Variants in DISP1 observed in about 807,000 individuals in gnomAD.
The protein encoded by DISP1 is protein dispatched homolog 1.
Under a neutral mutation model 37.3 loss-of-function variants are expected in DISP1, and 30 were observed. The ratio of observed to expected loss-of-function variants is 0.80; its 90% confidence interval spans 0.60 to 1.09. The LOEUF (loss-of-function observed/expected upper bound fraction) is 1.09, where lower values mean the gene tolerates loss of function less well. Ranked by LOEUF, DISP1 falls within the 50% of genes least tolerant of loss-of-function variation. The pLI is 0.00. For missense variants in DISP1, 1,598 were observed against 1,879.5 expected (o/e 0.85, Z 2.77); for synonymous variants, 634 against 690.2 (o/e 0.92, Z 1.28).
chr1:222,852,178 CAAAAAT>C (rs1007758619), intron 1 of DISP1, among the ~76,000 whole-genome samples: 2 of 150,272 alleles, frequency 1.3e-5, no homozygotes, highest in African/African-American at 4.9e-5. Flanking sequence ...AACTCCAACT[CAAAAAT>C]AAATAAATAA....
chr1:222,823,504 A>G (rs1663484036), intron 1 of DISP1, among the ~76,000 whole-genome samples: 1 of 152,170 alleles, frequency 6.6e-6, no homozygotes, highest in Admixed American at 6.5e-5. Context: ...ATGTAGAGTA[A>G]TAGTCATTAA....
Position 222,937,010 on chromosome 1 carries a change from AT to A in DISP1, c.-17-5795del, listed in dbSNP as rs1313036486. 2.1e-3 allele frequency among the ~76,000 whole-genome samples: 224 copies of A among 108,960 alleles called. 2 individuals are homozygous for A. Among genetic ancestry groups the A allele is most frequent in the Non-Finnish European group, 3.6e-3 (201 of 55,746 alleles). The allele number at this position is 108,960 out of a possible 152,430, so 71.5% of individuals were successfully genotyped here. ...TATATAATATTATATAATATAGAAT[AT>A]TATATATTATATATTACATATTATA... is the stretch of plus-strand genomic sequence containing the variant. On this transcript the variant is annotated intron_variant, in intron 2 of 8. Transcript: ENST00000675850.
chr1:222,877,090 G>T (rs1416410861), intron 1 of DISP1, among the ~76,000 whole-genome samples: 2 of 152,140 alleles, frequency 1.3e-5, no homozygotes, highest in Non-Finnish European at 2.9e-5. Context: ...TCGTGATTCT[G>T]GCTTTGGGAG....
chr1:222,959,716 A>T (rs997583346), intron 3 of DISP1, among the ~76,000 whole-genome samples: 19 of 141,624 alleles, frequency 1.3e-4, no homozygotes, highest in Non-Finnish European at 2.8e-4. Context: ...AAAAAAAAAA[A>T]GAAAGAAAAG....
intron 4 of DISP1, among the ~76,000 whole-genome samples, chr1:222,987,993 G>A (rs1678396777): frequency 6.6e-6 from 1 of 152,190 alleles, no homozygotes; most frequent in African/African-American, 2.4e-5. Context: ...TGTGGAGGAG[G>A]AAATAAAGTA....
intron 2 of DISP1, among the ~76,000 whole-genome samples, chr1:222,934,312 T>C (rs368020578): frequency 6.6e-6 from 1 of 152,046 alleles, no homozygotes; most frequent in Non-Finnish European, 1.5e-5. Context: ...TAATAATAAA[T>C]TCACAGAGGT....
chr1:222,960,735 G>C (rs1260832950), intron 3 of DISP1, among the ~76,000 whole-genome samples: 1 of 151,074 alleles, frequency 6.6e-6, no homozygotes, highest in African/African-American at 2.4e-5. Flanking sequence ...AGACTAATAA[G>C]AAAAGAGAGA....
At chr1:222,941,835 G>A (rs1348213601) in intron 2 of DISP1, among the ~76,000 whole-genome samples, 1 of 152,044 alleles carries the variant, frequency 6.6e-6, no homozygotes, top group Non-Finnish European at 1.5e-5. Flanking sequence ...AAGGGTTAGC[G>A]AGCTAAATTA....
chr1:222,904,723 A>G (rs948710892), intron 1 of DISP1, among the ~76,000 whole-genome samples: 1 of 151,824 alleles, frequency 6.6e-6, no homozygotes, highest in African/African-American at 2.4e-5. Flanking sequence ...ACACACCACT[A>G]TGCCTGGCCA....
chr1:222,874,921 A>G (rs1294364415), intron 1 of DISP1, among the ~76,000 whole-genome samples: 3 of 152,088 alleles, frequency 2.0e-5, no homozygotes, highest in Admixed American at 1.3e-4. Context: ...TGATGGTGAC[A>G]TACACATGGG....
At chr1:222,860,690 G>C (rs1668830288) in intron 1 of DISP1, among the ~76,000 whole-genome samples, 1 of 151,940 alleles carries the variant, frequency 6.6e-6, no homozygotes, top group African/African-American at 2.4e-5. Context: ...TTTGAGACCA[G>C]CCTGGCCAAT....
intron 1 of DISP1, among the ~76,000 whole-genome samples, chr1:222,818,984 C>G (rs1360358400): frequency 1.3e-5 from 2 of 152,186 alleles, no homozygotes; most frequent in Non-Finnish European, 2.9e-5. Flanking sequence ...TGTCCCCACC[C>G]AAATCTCATG....
chr1:222,888,964 A>G lies in DISP1; in HGVS notation c.-158-39466A>G, dbSNP rs181490345. 2.7e-4 allele frequency among the ~76,000 whole-genome samples: 41 copies of G among 152,232 alleles called. 1 individual carries two copies. In the East Asian group the frequency reaches 7.3e-3, roughly 27 times the overall value. Reference sequence around the variant, plus strand: ...CCATGGAGTACATAGTGATGTTTCTATACATATAATGTATAGTGATCAATC... The same window carrying G: ...CCATGGAGTACATAGTGATGTTTCTGTACATATAATGTATAGTGATCAATC... On this transcript the variant is annotated intron_variant, in intron 1 of 8. Transcript: ENST00000675850.
chr1:222,872,733 A>C (rs1286925701), intron 1 of DISP1, among the ~76,000 whole-genome samples: 1 of 152,102 alleles, frequency 6.6e-6, no homozygotes, highest in Non-Finnish European at 1.5e-5. Context: ...CAGCTCCTGG[A>C]TTCACTGATT....
rs1415464768 is a variant in DISP1, at chr1:222,943,257, C to A, written c.434C>A (p.Pro145Gln). 26 of 1,613,834 alleles carry A rather than the reference C, an allele frequency of 1.6e-5. No homozygotes were observed. Among genetic ancestry groups the A allele is most frequent in the African/African-American group, 2.7e-5 (2 of 74,938 alleles). ...ACTACGTGCTGTCTTCAGCCCTCTC[C>A]ATCCTTCTGCCTGCATCATCCGTGG... Reference protein sequence around the residue: ...YQTTCCLQPSPSFCLHHPWPD... With the variant: ...YQTTCCLQPSQSFCLHHPWPD... The change falls in exon 3 of 9, where the codon CCA becomes CAA. Residue 145 changes from proline (P) to glutamine (Q), a missense_variant. Transcript: ENST00000675850.
chr1:222,945,628 T>C (rs1277464976), intron 3 of DISP1: 2 of 135,208 alleles, frequency 1.5e-5, no homozygotes, highest in East Asian at 4.8e-4. Flanking sequence ...ACACTTGAAA[T>C]AGAATGGCAT....
intron 3 of DISP1, among the ~76,000 whole-genome samples, chr1:222,956,131 A>G (rs2039779): frequency 0.48 from 73,258 of 152,114 alleles, 19,177 homozygotes; most frequent in Non-Finnish European, 0.59. Flanking sequence ...GTGGTCACTC[A>G]GGCCTGCCCA....
chr1:223,000,590 T>C (rs1324086858), intron 8 of DISP1, among the ~76,000 whole-genome samples: 2 of 152,216 alleles, frequency 1.3e-5, no homozygotes, highest in African/African-American at 2.4e-5. Flanking sequence ...ATGGAAATTC[T>C]CCAGCATATA....
intron 1 of DISP1, among the ~76,000 whole-genome samples, chr1:222,895,274 T>C (rs1419384069): frequency 6.6e-6 from 1 of 152,234 alleles, no homozygotes; most frequent in Non-Finnish European, 1.5e-5. Context: ...AGGGAAATTC[T>C]GAAAGGCTCA....
Sources: gnomAD v4.1 joint callset for allele counts (sites outside exome capture counted in the v4.1 genomes callset) on GRCh38, gnomAD v4.1.1 for gene constraint, MANE v1.5 for transcripts, NCBI Gene and HGNC (gene_info 2026-07-23, HGNC 2026-07-21) for gene names.